Variants in GRIP1 observed in about 807,000 individuals in gnomAD.
The protein encoded by GRIP1 is glutamate receptor-interacting protein 1.
Under a neutral mutation model 129.9 loss-of-function variants are expected in GRIP1, and 45 were observed. That is an observed-to-expected ratio of 0.35 (90% CI 0.27 to 0.44). The LOEUF (loss-of-function observed/expected upper bound fraction) is 0.44. Among genes scored for constraint, GRIP1 ranks in the 20% least tolerant of loss-of-function variants. GRIP1 has a pLI of 1.00. For missense variants in GRIP1, 1,196 were observed against 1,396.8 expected (o/e 0.86, Z 2.29); for synonymous variants, 530 against 520.8 (o/e 1.02, Z -0.24).
chr12:66,673,373 T>C (rs1206898084), intron 1 of GRIP1, among the ~76,000 whole-genome samples: 1 of 152,186 alleles, frequency 6.6e-6, no homozygotes, highest in Non-Finnish European at 1.5e-5. Flanking sequence ...AGTTAATCGA[T>C]TAGAATGCCT....
chr12:66,576,074 G>A (rs529886927), intron 2 of GRIP1, among the ~76,000 whole-genome samples: 25 of 152,144 alleles, frequency 1.6e-4, no homozygotes, highest in Non-Finnish European at 3.1e-4. Flanking sequence ...TATATTGAAG[G>A]ATGCCAGAAA....
At chr12:66,837,921 C>T (rs951319609) in intron 1 of GRIP1, among the ~76,000 whole-genome samples, 9 of 152,142 alleles carry the variant, frequency 5.9e-5, no homozygotes, top group African/African-American at 1.9e-4. Context: ...AGGCTGGGCG[C>T]GGTGGCCCAC....
intron 6 of GRIP1, among the ~76,000 whole-genome samples, chr12:66,516,314 C>T (rs1218122832): frequency 6.6e-6 from 1 of 152,152 alleles, no homozygotes; most frequent in Non-Finnish European, 1.5e-5. Flanking sequence ...ATGCTATCCT[C>T]CCTGCTGTGA....
At chr12:66,902,081 A>C (rs1345588627) in intron 1 of GRIP1, among the ~76,000 whole-genome samples, 1 of 152,148 alleles carries the variant, frequency 6.6e-6, no homozygotes, top group Non-Finnish European at 1.5e-5. Flanking sequence ...AAAGCAATTA[A>C]TATTTTTCAC....
At chr12:66,879,243 T>C (rs1438341622) in intron 1 of GRIP1, among the ~76,000 whole-genome samples, 1 of 151,354 alleles carries the variant, frequency 6.6e-6, no homozygotes, top group Non-Finnish European at 1.5e-5. Context: ...TCTATTTTTA[T>C]TTGCAAGTCT....
chr12:66,531,235 CAAAAAAA>C (rs1168836647), intron 4 of GRIP1, among the ~76,000 whole-genome samples: 19 of 16,438 alleles, frequency 1.2e-3, no homozygotes, highest in South Asian at 5.0e-3. Context: ...GACTCTGTCT[CAAAAAAA>C]AAAAAAAAAA....
intron 9 of GRIP1, among the ~76,000 whole-genome samples, chr12:66,460,092 G>T (rs1223496611): frequency 1.3e-5 from 2 of 152,178 alleles, no homozygotes; most frequent in Admixed American, 6.5e-5. Flanking sequence ...AGCAACTGAG[G>T]TATAGAAAAG....
intron 4 of GRIP1, among the ~76,000 whole-genome samples, chr12:66,538,845 C>T (rs540567409): frequency 3.3e-5 from 5 of 152,256 alleles, no homozygotes; most frequent in African/African-American, 1.2e-4. Context: ...TCAAGCAATC[C>T]TCCTGCCTCA....
intron 1 of GRIP1, among the ~76,000 whole-genome samples, chr12:66,828,472 A>G (rs1166879326): frequency 1.3e-5 from 2 of 152,200 alleles, no homozygotes; most frequent in Non-Finnish European, 2.9e-5. Flanking sequence ...CACATTCCCT[A>G]TCACTTTTAC....
At chr12:66,517,189 C>T (rs1216329572) in intron 6 of GRIP1, among the ~76,000 whole-genome samples, 1 of 152,062 alleles carries the variant, frequency 6.6e-6, no homozygotes, top group Non-Finnish European at 1.5e-5. Flanking sequence ...AGTTGTGTTC[C>T]CCCATCATTA....
rs553966473 is a variant in GRIP1, at chr12:66,916,988, T to C, written c.58+152062A>G. Among the ~76,000 whole-genome samples the C allele has an allele frequency of 4.6e-5, 7 of 152,332 alleles. No individual in the cohort carries two copies. In the South Asian group the frequency reaches 1.4e-3, roughly 32 times the overall value. On this transcript the variant is annotated intron_variant, in intron 1 of 1. Transcript: ENST00000643019. Reference sequence around the variant, plus strand: ...AAATAAGATTAGACATTTTTGTTTGTCTGGTTAAGCTAGAAAATATTTGTT... The same window carrying C: ...AAATAAGATTAGACATTTTTGTTTGCCTGGTTAAGCTAGAAAATATTTGTT...
chr12:66,563,164 A>G (rs1342452457), intron 2 of GRIP1, among the ~76,000 whole-genome samples: 2 of 152,178 alleles, frequency 1.3e-5, no homozygotes, highest in East Asian at 1.9e-4. Flanking sequence ...TATACAGTAT[A>G]TACACTATAT....
intron 1 of GRIP1, among the ~76,000 whole-genome samples, chr12:66,723,226 C>T (rs2036121404): frequency 3.1e-5 from 1 of 32,428 alleles, no homozygotes; most frequent in African/African-American, 1.6e-4. Flanking sequence ...TTCTTTCTTT[C>T]TCTCTCTCTC....
At chr12:66,461,387 G>C (rs928654924) in intron 9 of GRIP1, among the ~76,000 whole-genome samples, 1 of 152,138 alleles carries the variant, frequency 6.6e-6, no homozygotes, top group Non-Finnish European at 1.5e-5. Context: ...ATCCAATGAT[G>C]ACTGCCGATT....
chr12:66,984,983 A>G (rs933796580), intron 1 of GRIP1, among the ~76,000 whole-genome samples: 1 of 152,172 alleles, frequency 6.6e-6, no homozygotes, highest in African/African-American at 2.4e-5. Flanking sequence ...ACAGTGGGGA[A>G]AGGTGGTTCT....
intron 13 of GRIP1, 71 bp from the exon 14 acceptor site, chr12:66,432,699 T>C: frequency 1.2e-6 from 1 of 835,608 alleles, no homozygotes; most frequent in Admixed American, 1.8e-5. Context: ...TAAAAATGCA[T>C]TAGGAATACT....
chr12:66,562,702 T>G (rs2062582360), intron 2 of GRIP1, among the ~76,000 whole-genome samples: 1 of 152,116 alleles, frequency 6.6e-6, no homozygotes, highest in Admixed American at 6.5e-5. Context: ...TATATATGTA[T>G]GTACGTATAA....
chr12:66,644,136 G>A (rs942888092), intron 1 of GRIP1, among the ~76,000 whole-genome samples: 9 of 152,192 alleles, frequency 5.9e-5, no homozygotes, highest in African/African-American at 2.2e-4. Context: ...TCTACCAGGA[G>A]AACAGTGTGG....
chr12:66,699,619 G>A (rs1271174733), intron 1 of GRIP1, among the ~76,000 whole-genome samples: 1 of 152,170 alleles, frequency 6.6e-6, no homozygotes, highest in African/African-American at 2.4e-5. Flanking sequence ...AGTTCATTAA[G>A]CCTCTTTCAG....
Sources: gnomAD v4.1 joint callset for allele counts (sites outside exome capture counted in the v4.1 genomes callset) on GRCh38, gnomAD v4.1.1 for gene constraint, MANE v1.5 for transcripts, NCBI Gene and HGNC (gene_info 2026-07-23, HGNC 2026-07-21) for gene names.